FILIP1L: variants seen among roughly 807,000 people sequenced by gnomAD.
The protein encoded by FILIP1L is filamin A interacting protein 1 like, also known as filamin A-interacting protein 1-like.
In FILIP1L, 55 loss-of-function variants were observed where a neutral mutation model predicts 96.6. That is an observed-to-expected ratio of 0.57 (90% CI 0.46 to 0.71). The LOEUF (loss-of-function observed/expected upper bound fraction) is 0.71. Among genes scored for constraint, FILIP1L ranks in the 30% least tolerant of loss-of-function variants. FILIP1L has a pLI of 0.00. For missense variants in FILIP1L, 1,304 were observed against 1,321.2 expected (o/e 0.99, Z 0.20); for synonymous variants, 467 against 473.9 (o/e 0.99, Z 0.19).
At chr3:99,841,732 A>T (rs1024264016) in intron 5 of FILIP1L, among the ~76,000 whole-genome samples, 1 of 152,248 alleles carries the variant, frequency 6.6e-6, no homozygotes, top group Non-Finnish European at 1.5e-5. Flanking sequence ...ATATAAAAAA[A>T]TGCTCAACAT....
chr3:99,983,097 C>T (rs1709175794), intron 1 of FILIP1L, among the ~76,000 whole-genome samples: 1 of 152,016 alleles, frequency 6.6e-6, no homozygotes, highest in South Asian at 2.1e-4. Flanking sequence ...AAATGCCTTT[C>T]TTTCAGATGG....
intron 1 of FILIP1L, among the ~76,000 whole-genome samples, chr3:100,020,540 T>C (rs2064792239): frequency 6.6e-6 from 1 of 152,168 alleles, no homozygotes; most frequent in African/African-American, 2.4e-5. Flanking sequence ...GCTTTGGCCA[T>C]TCTGTTTTGA....
chr3:99,974,695 G>A (rs1016333328), intron 1 of FILIP1L, among the ~76,000 whole-genome samples: 8 of 151,986 alleles, frequency 5.3e-5, no homozygotes, highest in Admixed American at 1.3e-4. Context: ...TAACAAGAGC[G>A]AAACTCCATC....
At chr3:100,049,199 A>G (rs752833822) in intron 1 of FILIP1L, among the ~76,000 whole-genome samples, 1 of 152,166 alleles carries the variant, frequency 6.6e-6, no homozygotes, top group African/African-American at 2.4e-5. Flanking sequence ...TATCTTCTCT[A>G]CATTATAGAA....
intron 1 of FILIP1L, among the ~76,000 whole-genome samples, chr3:99,998,312 A>G (rs1709740259): frequency 6.6e-6 from 1 of 152,206 alleles, no homozygotes; most frequent in South Asian, 2.1e-4. Flanking sequence ...ATGTTTTCTA[A>G]CTACAGGGTT....
chr3:99,939,565 T>A (rs756885673), intron 1 of FILIP1L, among the ~76,000 whole-genome samples: 1 of 152,330 alleles, frequency 6.6e-6, no homozygotes, highest in Non-Finnish European at 1.5e-5. Flanking sequence ...TCCCAGATAT[T>A]AAACACAACT....
intron 4 of FILIP1L, among the ~76,000 whole-genome samples, chr3:99,877,211 T>C (rs1180050190): frequency 2.0e-5 from 3 of 152,190 alleles, no homozygotes; most frequent in Admixed American, 2.0e-4. Flanking sequence ...AGATGAGTAA[T>C]TTTAGTAGCT....
chr3:99,900,703 G>T (rs564734126), intron 4 of FILIP1L, among the ~76,000 whole-genome samples: 2 of 152,120 alleles, frequency 1.3e-5, no homozygotes, highest in African/African-American at 4.8e-5. Flanking sequence ...TCTTTTCCAC[G>T]CAAGTCTTAA....
chr3:99,866,322 C>G (rs1944515316), intron 4 of FILIP1L, among the ~76,000 whole-genome samples: 1 of 152,088 alleles, frequency 6.6e-6, no homozygotes. Flanking sequence ...AGTCTGGCTG[C>G]CTACACAGAG....
intron 3 of FILIP1L, among the ~76,000 whole-genome samples, chr3:99,928,903 A>G (rs978482847): frequency 2.0e-5 from 3 of 152,224 alleles, no homozygotes; most frequent in Non-Finnish European, 4.4e-5. Context: ...CACCCCGTAG[A>G]GAAGCAGATA....
intron 1 of FILIP1L, among the ~76,000 whole-genome samples, chr3:99,944,095 A>G (rs1297744963): frequency 6.6e-6 from 1 of 152,196 alleles, no homozygotes; most frequent in South Asian, 2.1e-4. Context: ...GAAAATAACT[A>G]GTGGATTTTT....
chr3:99,876,066 G>T, intron 4 of FILIP1L: 1 of 986,108 alleles, frequency 1.0e-6, no homozygotes, highest in Non-Finnish European at 1.2e-6. Context: ...GCTCTCCCGG[G>T]CTTACCTGAA....
intron 1 of FILIP1L, among the ~76,000 whole-genome samples, chr3:99,989,693 C>CT (rs199895279): frequency 0.028 from 3,957 of 140,570 alleles, 186 homozygotes; most frequent in African/African-American, 0.097. Context: ...TATTTTTTTT[C>CT]TTTTTTTTGC....
At chr3:99,976,709 G>T (rs1264897469) in intron 1 of FILIP1L, among the ~76,000 whole-genome samples, 1 of 151,960 alleles carries the variant, frequency 6.6e-6, no homozygotes, top group Non-Finnish European at 1.5e-5. Context: ...AATATGATAG[G>T]ATTTTATTAT....
chr3:99,862,120 A>G (rs1437251829), intron 4 of FILIP1L, among the ~76,000 whole-genome samples: 2 of 152,230 alleles, frequency 1.3e-5, no homozygotes, highest in East Asian at 3.8e-4. Flanking sequence ...TAAGGTAACA[A>G]ATACGCTAAT....
At chr3:99,895,825 A>G (rs923130107) in intron 4 of FILIP1L, among the ~76,000 whole-genome samples, 2 of 152,182 alleles carry the variant, frequency 1.3e-5, no homozygotes, top group Admixed American at 1.3e-4. Flanking sequence ...GTGCCTCCTT[A>G]AAAGACTGGT....
intron 1 of FILIP1L, among the ~76,000 whole-genome samples, chr3:100,079,293 C>T (rs978123835): frequency 1.3e-5 from 2 of 152,184 alleles, no homozygotes; most frequent in African/African-American, 4.8e-5. Flanking sequence ...TTCAAAAAGC[C>T]AGCCTAGATT....
At chr3:99,908,870 T>C (rs1039848673) in intron 4 of FILIP1L, among the ~76,000 whole-genome samples, 2 of 152,064 alleles carry the variant, frequency 1.3e-5, no homozygotes, top group African/African-American at 4.8e-5. Context: ...AAAAAATTCC[T>C]ATTGTGTGTG....
At chr3:99,939,937 T>C (rs1183495921) in intron 1 of FILIP1L, among the ~76,000 whole-genome samples, 1 of 152,238 alleles carries the variant, frequency 6.6e-6, no homozygotes, top group Non-Finnish European at 1.5e-5. Context: ...CTTTTTAGTT[T>C]GGAAGTGTTC....
Sources: gnomAD v4.1 joint callset for allele counts (sites outside exome capture counted in the v4.1 genomes callset) on GRCh38, gnomAD v4.1.1 for gene constraint, MANE v1.5 for transcripts, NCBI Gene and HGNC (gene_info 2026-07-23, HGNC 2026-07-21) for gene names.